SORCS3: variants seen among roughly 807,000 people sequenced by gnomAD.
SORCS3 encodes VPS10 domain-containing receptor SorCS3.
SORCS3 carries 57 observed loss-of-function variants against 146.3 expected under a neutral mutation model. The ratio of observed to expected loss-of-function variants is 0.39; its 90% CI spans 0.31 to 0.49. The LOEUF is 0.49. Ranked by LOEUF, SORCS3 falls within the 20% of genes least tolerant of loss-of-function variation. SORCS3 has a pLI of 0.92. For synonymous variants in SORCS3, 653 were observed against 618.5 expected, an observed-to-expected ratio of 1.06 and a Z score of -0.83; for missense variants, 1,341 against 1,575.5, an observed-to-expected ratio of 0.85 and a Z score of 2.52.
At chr10:104,642,114 A>G (rs763113339) in intron 1 of SORCS3, among the ~76,000 whole-genome samples, 160 bp downstream of exon 1, 1 of 152,036 alleles carries the variant, frequency 6.6e-6, no homozygotes, top group African/African-American at 2.4e-5. Flanking sequence ...CACGCCCCCA[A>G]CAGGTTAACG....
chr10:105,235,727 T>C (rs557748452), intron 20 of SORCS3, among the ~76,000 whole-genome samples: 1 of 152,050 alleles, frequency 6.6e-6, no homozygotes, highest in South Asian at 2.1e-4. Flanking sequence ...CAGCACGATA[T>C]AGTGGACAGA....
At chr10:104,928,329 A>G (rs1216870136) in intron 3 of SORCS3, among the ~76,000 whole-genome samples, 1 of 152,158 alleles carries the variant, frequency 6.6e-6, no homozygotes, top group Non-Finnish European at 1.5e-5. Context: ...TCTCACATGC[A>G]CTGCCCTCAC....
intron 13 of SORCS3, among the ~76,000 whole-genome samples, chr10:105,171,170 A>G (rs1333540215): frequency 6.6e-6 from 1 of 152,168 alleles, no homozygotes; most frequent in African/African-American, 2.4e-5. Context: ...AGCTGGGGAA[A>G]CTTTAGCTAG....
At chr10:105,032,318 C>G (rs1470797312) in intron 4 of SORCS3, among the ~76,000 whole-genome samples, 6 of 152,202 alleles carry the variant, frequency 3.9e-5, no homozygotes, top group Non-Finnish European at 4.4e-5. Flanking sequence ...ACCCTTGGAA[C>G]TTCAGTATCC....
intron 20 of SORCS3, among the ~76,000 whole-genome samples, chr10:105,240,106 C>G (rs1234256413): frequency 1.3e-5 from 2 of 152,144 alleles, no homozygotes; most frequent in Non-Finnish European, 2.9e-5. Context: ...ATTCCCTTTG[C>G]CCTGCATCCC....
At chr10:104,747,053 C>T (rs1403405246) in intron 1 of SORCS3, among the ~76,000 whole-genome samples, 1 of 152,182 alleles carries the variant, frequency 6.6e-6, no homozygotes, top group Non-Finnish European at 1.5e-5. Flanking sequence ...TGTGAATTCA[C>T]GTTCATGCTT....
intron 25 of SORCS3, among the ~76,000 whole-genome samples, chr10:105,259,918 G>T (rs117492415): frequency 1.3e-5 from 2 of 152,152 alleles, no homozygotes; most frequent in East Asian, 3.9e-4. Context: ...ATGAATGTTG[G>T]TCCAAGACAT....
intron 4 of SORCS3, among the ~76,000 whole-genome samples, chr10:104,993,634 G>C (rs2055007558): frequency 6.6e-6 from 1 of 152,202 alleles, no homozygotes. Context: ...GTCTATCTCA[G>C]GCATAGATGG....
At chr10:105,200,175 G>A (rs184766777) in intron 15 of SORCS3, 59 bp downstream of exon 15, 20 of 1,333,542 alleles carry the variant, frequency 1.5e-5, no homozygotes, top group Non-Finnish European at 1.9e-5. Flanking sequence ...GTGCAAGTCC[G>A]ACTGGGTCTT....
chr10:104,785,959 A>T (rs2017430170), intron 1 of SORCS3, among the ~76,000 whole-genome samples: 1 of 152,170 alleles, frequency 6.6e-6, no homozygotes, highest in Non-Finnish European at 1.5e-5. Context: ...TCAGAGTTTG[A>T]CATGATGAGT....
rs1338926186 is a variant in SORCS3 at position 105,200,131 on chromosome 10, G to A, written c.2127+15G>A. ...TGCTCAATCAGGTACACACCCCAGG[G>A]AGTTGGAGTGCTGGCTTTGAGGAGG... is the stretch of plus-strand genomic sequence containing the variant. On this transcript the variant is annotated intron_variant, in intron 15 of 26. Coordinates refer to ENST00000369701, the MANE Select transcript of SORCS3 (RefSeq NM_014978.3). The A allele has an allele frequency of 6.3e-7, 1 of 1,595,256 alleles. No individual in the cohort carries two copies. Among genetic ancestry groups the A allele is most frequent in the Non-Finnish European group, 8.6e-7 (1 of 1,164,096 alleles).
intron 3 of SORCS3, among the ~76,000 whole-genome samples, chr10:104,923,872 A>G (rs1164026398): frequency 1.3e-5 from 2 of 152,262 alleles, no homozygotes; most frequent in African/African-American, 4.8e-5. Flanking sequence ...GTCTATGATA[A>G]TAATGACAAT....
At chr10:104,951,537 G>T (rs936741186) in intron 3 of SORCS3, among the ~76,000 whole-genome samples, 8 of 151,692 alleles carry the variant, frequency 5.3e-5, no homozygotes, top group African/African-American at 1.9e-4. Flanking sequence ...AGAGATGAGG[G>T]TCTCGCTATG....
At chr10:104,907,537 G>A (rs1019990020) in intron 2 of SORCS3, among the ~76,000 whole-genome samples, 3 of 152,100 alleles carry the variant, frequency 2.0e-5, no homozygotes, top group African/African-American at 7.2e-5. Flanking sequence ...TGCTGCTGGT[G>A]GGTCTACAAC....
intron 14 of SORCS3, among the ~76,000 whole-genome samples, chr10:105,192,507 C>T (rs914697603): frequency 2.0e-5 from 3 of 151,956 alleles, no homozygotes; most frequent in African/African-American, 7.3e-5. Flanking sequence ...AGATGTTATT[C>T]CGGCAGATGG....
At chr10:105,138,936 A>G (rs1002300737) in intron 7 of SORCS3, among the ~76,000 whole-genome samples, 11 of 152,274 alleles carry the variant, frequency 7.2e-5, no homozygotes, top group African/African-American at 2.4e-4. Context: ...AAGTGAGATT[A>G]CATTTCAAAA....
At chr10:105,048,428 G>A (rs1480446583) in intron 5 of SORCS3, among the ~76,000 whole-genome samples, 6 of 150,662 alleles carry the variant, frequency 4.0e-5, no homozygotes, top group African/African-American at 9.7e-5. Flanking sequence ...GCAAACTATC[G>A]CAAGGACAAA....
intron 1 of SORCS3, among the ~76,000 whole-genome samples, chr10:104,693,875 A>G (rs1331095837): frequency 1.3e-5 from 2 of 152,010 alleles, no homozygotes; most frequent in South Asian, 2.1e-4. Context: ...CTCCCATCCA[A>G]TTTATCCTAT....
intron 1 of SORCS3, among the ~76,000 whole-genome samples, chr10:104,810,026 T>G (rs1461708608): frequency 1.3e-5 from 2 of 152,234 alleles, no homozygotes; most frequent in Non-Finnish European, 2.9e-5. Context: ...GGTTGGACTA[T>G]TTCTGAACAT....
Sources: gnomAD v4.1 joint callset for allele counts (sites outside exome capture counted in the v4.1 genomes callset) on GRCh38, gnomAD v4.1.1 for gene constraint, MANE v1.5 for transcripts, NCBI Gene and HGNC (gene_info 2026-07-23, HGNC 2026-07-21) for gene names.